NCOA2: variants seen among roughly 807,000 people sequenced by gnomAD.
The protein encoded by NCOA2 is class E basic helix-loop-helix protein 75.
Under a neutral mutation model 145.1 loss-of-function variants are expected in NCOA2, and 21 were observed. That is an observed-to-expected ratio of 0.14 (90% confidence interval 0.10 to 0.21). The LOEUF is 0.21. Ranked by LOEUF, NCOA2 falls within the 10% of genes least tolerant of loss-of-function variation. The pLI is 1.00. For missense variants in NCOA2, 1,472 were observed against 1,837.6 expected, an observed-to-expected ratio of 0.80 and a Z score of 3.64; for synonymous variants, 619 against 637.5, an observed-to-expected ratio of 0.97 and a Z score of 0.44.
At chr8:70,432,536 A>G in the NCOA2 span, among the ~76,000 whole-genome samples, 39,614 of 152,052 alleles carry the variant, frequency 0.26, 5,436 homozygotes, top group African/African-American at 0.33. Context: ...AGGGGCATGC[A>G]CCTGTAGTCC....
intron 2 of NCOA2, among the ~76,000 whole-genome samples, chr8:70,220,697 A>G (rs1160270383): frequency 6.6e-6 from 1 of 152,216 alleles, no homozygotes; most frequent in Non-Finnish European, 1.5e-5. Context: ...GAATTCACCA[A>G]TATAATTTAT....
At chr8:70,450,122 C>G in the NCOA2 span, among the ~76,000 whole-genome samples, 1 of 152,198 alleles carries the variant, frequency 6.6e-6, no homozygotes, top group Non-Finnish European at 1.5e-5. Flanking sequence ...CGTTCCTTCT[C>G]TCAGCATAGG....
chr8:70,163,028 A>T (rs185685036), intron 8 of NCOA2, among the ~76,000 whole-genome samples, 174 bp from the exon 9 acceptor site: 32 of 144,924 alleles, frequency 2.2e-4, no homozygotes, highest in Admixed American at 1.5e-3. Context: ...GACTCTTGTG[A>T]ATCAGATGCC....
At chr8:70,194,862 G>C (rs1817102738) in intron 4 of NCOA2, among the ~76,000 whole-genome samples, 1 of 151,956 alleles carries the variant, frequency 6.6e-6, no homozygotes, top group Admixed American at 6.6e-5. Context: ...TCTTCCAAAT[G>C]GCAGACAAAG....
chr8:70,403,008 C>T (rs902883445), intron 1 of NCOA2, among the ~76,000 whole-genome samples: 10 of 144,276 alleles, frequency 6.9e-5, no homozygotes, highest in Admixed American at 3.4e-4. Context: ...CTGACACGGG[C>T]CCGGGCCACC....
At chr8:70,445,687 C>T in the NCOA2 span, among the ~76,000 whole-genome samples, 1 of 152,162 alleles carries the variant, frequency 6.6e-6, no homozygotes, top group Non-Finnish European at 1.5e-5. Context: ...GGAGGATGTT[C>T]GAGTTTTAAA....
intron 12 of NCOA2, 37 bp from the exon 13 acceptor site, chr8:70,144,885 A>G (rs1810848869): frequency 1.3e-6 from 2 of 1,541,756 alleles, no homozygotes; most frequent in Non-Finnish European, 1.8e-6. Context: ...AGGTTAATAT[A>G]GGATAATGGA....
chr8:70,419,348 A>G, the NCOA2 span, among the ~76,000 whole-genome samples: 8 of 152,160 alleles, frequency 5.3e-5, no homozygotes, highest in Non-Finnish European at 8.8e-5. Flanking sequence ...ATAAATAGTC[A>G]ATGAAAATGT....
At chr8:70,123,547 C>T (rs1350356374) in intron 21 of NCOA2, among the ~76,000 whole-genome samples, 1 of 150,370 alleles carries the variant, frequency 6.7e-6, no homozygotes, top group Non-Finnish European at 1.5e-5. Context: ...AAACGATAAC[C>T]CCCAAATAGA....
intron 2 of NCOA2, among the ~76,000 whole-genome samples, chr8:70,253,534 CT>C (rs771630787): frequency 3.3e-5 from 5 of 151,958 alleles, no homozygotes; most frequent in Non-Finnish European, 5.9e-5. Context: ...AAACTCTGAA[CT>C]TAACCTTAAA....
chr8:70,307,930 G>C (rs183367036), intron 1 of NCOA2, among the ~76,000 whole-genome samples: 8 of 152,214 alleles, frequency 5.3e-5, no homozygotes, highest in African/African-American at 1.9e-4. Context: ...AAGGAATCTA[G>C]TAACATACTA....
rs889680100 is a variant in NCOA2, at chr8:70,386,950, G to A, written c.-77+16750C>T. On this transcript the variant is annotated intron_variant, in intron 1 of 22. Coordinates refer to ENST00000452400, the MANE Select transcript of NCOA2 (RefSeq NM_006540.4). ...TAAGAGATGGGAGTCTGACTCTGTC[G>A]CCCAGGCTAGAGTGCAGTGGCATGA... Among the ~76,000 whole-genome samples, 12 of 151,832 alleles carry A rather than the reference G, an allele frequency of 7.9e-5. No individual in the cohort carries two copies. In the East Asian group the frequency reaches 9.7e-4, roughly 12 times the overall value.
intron 1 of NCOA2, among the ~76,000 whole-genome samples, chr8:70,342,820 C>CAT (rs1309556880): frequency 1.5e-5 from 2 of 137,614 alleles, no homozygotes; most frequent in African/African-American, 5.6e-5. Flanking sequence ...CACACACACA[C>CAT]ATCCCTACAT....
chr8:70,427,938 C>A, the NCOA2 span, among the ~76,000 whole-genome samples: 1 of 152,062 alleles, frequency 6.6e-6, no homozygotes, highest in African/African-American at 2.4e-5. Context: ...ATAAATGTCA[C>A]AATTATATGC....
intron 2 of NCOA2, among the ~76,000 whole-genome samples, chr8:70,234,378 G>A (rs1475457287): frequency 6.6e-6 from 1 of 152,142 alleles, no homozygotes; most frequent in African/African-American, 2.4e-5. Flanking sequence ...TATATAGCTA[G>A]GAATGGAATC....
the NCOA2 span, among the ~76,000 whole-genome samples, chr8:70,450,957 C>T: frequency 2.0e-5 from 3 of 150,730 alleles, no homozygotes; most frequent in African/African-American, 7.3e-5. Context: ...TGGCTCATGC[C>T]TGTAATTCCA....
chr8:70,152,453 A>G (rs1811848160), intron 11 of NCOA2, among the ~76,000 whole-genome samples: 1 of 152,240 alleles, frequency 6.6e-6, no homozygotes, highest in Non-Finnish European at 1.5e-5. Context: ...CCACATCTGG[A>G]GAGAAATTTT....
At chr8:70,307,377 G>C (rs1386480427) in intron 1 of NCOA2, among the ~76,000 whole-genome samples, 1 of 152,160 alleles carries the variant, frequency 6.6e-6, no homozygotes, top group Non-Finnish European at 1.5e-5. Flanking sequence ...TAAGGTGGGA[G>C]ACAGCTAGGA....
chr8:70,326,002 C>T (rs1465783540), intron 1 of NCOA2, among the ~76,000 whole-genome samples: 2 of 152,138 alleles, frequency 1.3e-5, no homozygotes, highest in Non-Finnish European at 2.9e-5. Flanking sequence ...AACTAGCCTG[C>T]ACTACTCCTC....
Sources: allele counts gnomAD v4.1 joint callset (sites outside exome capture counted in the v4.1 genomes callset), GRCh38; gene constraint gnomAD v4.1.1; transcripts MANE v1.5; gene names NCBI Gene and HGNC (gene_info 2026-07-23, HGNC 2026-07-21).